The following KATNBL1 variants were observed in gnomAD, a reference collection of about 807,000 sequenced individuals.
KATNBL1 encodes KATNB1-like protein 1.
A neutral mutation model predicts 44.7 loss-of-function variants in KATNBL1; 28 were observed. That is an observed-to-expected ratio of 0.63 (90% CI 0.46 to 0.86). KATNBL1 has a LOEUF of 0.86. KATNBL1 is among the 40% of genes least tolerant of loss of function. KATNBL1 has a pLI of 0.00. For missense variants in KATNBL1, 272 were observed against 350.7 expected (o/e 0.78, Z 1.79); for synonymous variants, 78 against 114.9 (o/e 0.68, Z 2.06).
chr15:34,153,875 T>C (rs760287898), intron 3 of KATNBL1, among the ~76,000 whole-genome samples: 21 of 152,248 alleles, frequency 1.4e-4, no homozygotes, highest in Admixed American at 5.9e-4. Flanking sequence ...ATAATTTTTA[T>C]GTGAATAGTA....
intron 1 of KATNBL1, among the ~76,000 whole-genome samples, chr15:34,208,272 C>A (rs1183824606): frequency 6.6e-6 from 1 of 152,120 alleles, no homozygotes; most frequent in African/African-American, 2.4e-5. Context: ...TACCAAGTCC[C>A]CAAAGTCCAT....
intron 1 of KATNBL1, among the ~76,000 whole-genome samples, chr15:34,197,898 C>T (rs1258566854): frequency 6.6e-6 from 1 of 152,142 alleles, no homozygotes; most frequent in Non-Finnish European, 1.5e-5. Context: ...CAGGCACACG[C>T]CACCACACCC....
chr15:34,145,301 C>T, intron 9 of KATNBL1, 97 bp downstream of exon 9: 1 of 1,344,586 alleles, frequency 7.4e-7, no homozygotes, highest in East Asian at 3.3e-5. Flanking sequence ...AGAACAGTAC[C>T]ATATTATTTT....
chr15:34,150,553 CACTG>C (rs1888437398), intron 4 of KATNBL1, among the ~76,000 whole-genome samples: 1 of 152,184 alleles, frequency 6.6e-6, no homozygotes, highest in African/African-American at 2.4e-5. Flanking sequence ...AAGATTGCAC[CACTG>C]CACCCCAGCC....
At chr15:34,201,525 G>C (rs556609024) in intron 1 of KATNBL1, among the ~76,000 whole-genome samples, 2 of 152,256 alleles carry the variant, frequency 1.3e-5, no homozygotes, top group African/African-American at 4.8e-5. Flanking sequence ...TAATGTATTA[G>C]AGTATTATAT....
intron 1 of KATNBL1, among the ~76,000 whole-genome samples, chr15:34,178,275 A>C (rs529451799): frequency 1.4e-4 from 21 of 152,178 alleles, no homozygotes; most frequent in Non-Finnish European, 2.8e-4. Flanking sequence ...TGAGGAGATA[A>C]CAACAGGTGG....
chr15:34,147,602 C>T (rs1358511377), intron 5 of KATNBL1, among the ~76,000 whole-genome samples, 172 bp from the exon 6 acceptor site: 1 of 145,168 alleles, frequency 6.9e-6, no homozygotes, highest in Non-Finnish European at 1.5e-5. Flanking sequence ...GCTTGTATTC[C>T]AGTGTGTGAG....
At chr15:34,200,260 CT>C (rs964530272) in intron 1 of KATNBL1, among the ~76,000 whole-genome samples, 6 of 148,212 alleles carry the variant, frequency 4.0e-5, no homozygotes, top group Non-Finnish European at 3.0e-5. Context: ...TCTCTCTCTT[CT>C]TTTTTTTTTG....
In KATNBL1 at chr15:34,163,686, A is replaced by G; in HGVS notation, c.-10T>C. The G allele has an allele frequency of 6.6e-7, 1 of 1,508,016 alleles. No homozygotes were observed. The highest frequency in any genetic ancestry group is 9.0e-7 in the Non-Finnish European group (1 of 1,109,036). The allele number at this position is 1,508,016 out of a possible 1,614,324, so 93.4% of individuals were successfully genotyped here. ...GGGTTTCTGATGCCATAATCTCTTAAGTACCTAGACAATAAAATAAAATAG... is the reference window on the plus strand; with the variant it reads ...GGGTTTCTGATGCCATAATCTCTTAGGTACCTAGACAATAAAATAAAATAG... On this transcript the variant is annotated 5_prime_UTR_variant, in exon 2 of 10. Coordinates refer to ENST00000256544, the MANE Select transcript of KATNBL1 (RefSeq NM_024713.3).
At chr15:34,154,928 A>G in intron 2 of KATNBL1, 1 of 484,646 alleles carries the variant, frequency 2.1e-6, no homozygotes, top group Non-Finnish European at 3.7e-6. Context: ...CGCACAGTCT[A>G]AACTAATTCT....
Position 34,147,188 on chromosome 15 carries a change from A to G in KATNBL1, c.698+12T>C, listed in dbSNP as rs750981421. On this transcript the variant is annotated intron_variant, in intron 7 of 9. Coordinates refer to ENST00000256544, the MANE Select transcript of KATNBL1 (RefSeq NM_024713.3). ...AAAAGAAAAATGAATCAAGATTCAG[A>G]TTAGCACTTACTCTTCAAATTTGCT... is the stretch of plus-strand genomic sequence containing the variant. 1.3e-6 allele frequency: 2 copies of G among 1,506,168 alleles called. No individual in the cohort carries two copies. The highest frequency in any genetic ancestry group is 4.5e-5 in the East Asian group (2 of 44,306). 93.3% of individuals were successfully genotyped at this position (1,506,168 alleles called of 1,614,324 possible).
chr15:34,196,276 C>T (rs937760836), intron 1 of KATNBL1, among the ~76,000 whole-genome samples: 13 of 151,638 alleles, frequency 8.6e-5, no homozygotes, highest in Admixed American at 2.0e-4. Context: ...AAATTAGCCA[C>T]GCATGGTGGC....
At chr15:34,197,146 T>C (rs907641920) in intron 1 of KATNBL1, among the ~76,000 whole-genome samples, 14 of 152,252 alleles carry the variant, frequency 9.2e-5, no homozygotes, top group Non-Finnish European at 1.6e-4. Flanking sequence ...AGATTCTGTC[T>C]TGTCAACGTT....
At chr15:34,188,234 C>G (rs1289282869) in intron 1 of KATNBL1, among the ~76,000 whole-genome samples, 1 of 145,462 alleles carries the variant, frequency 6.9e-6, no homozygotes, top group African/African-American at 2.5e-5. Context: ...AAATTCTGTA[C>G]ACTCTACTCA....
At chr15:34,156,320 C>A (rs927919935) in intron 2 of KATNBL1, among the ~76,000 whole-genome samples, 1 of 152,162 alleles carries the variant, frequency 6.6e-6, no homozygotes, top group Non-Finnish European at 1.5e-5. Flanking sequence ...AAGAGCTTGG[C>A]ACGACTTGTT....
intron 1 of KATNBL1, among the ~76,000 whole-genome samples, chr15:34,184,055 G>A (rs926325424): frequency 6.6e-6 from 1 of 152,168 alleles, no homozygotes; most frequent in African/African-American, 2.4e-5. Flanking sequence ...TGTAATCCCA[G>A]CACTTTGGGA....
intron 1 of KATNBL1, chr15:34,198,349 C>A (rs759306748): frequency 2.6e-5 from 4 of 152,150 alleles, no homozygotes; most frequent in Non-Finnish European, 5.9e-5. Context: ...GAGAAATAGA[C>A]AAACAAGCAA....
At chr15:34,178,043 G>A (rs535557543) in intron 1 of KATNBL1, 55 of 152,238 alleles carry the variant, frequency 3.6e-4, no homozygotes, top group African/African-American at 1.2e-3. Context: ...GTTTTAGAAC[G>A]TAAAAGCTTT....
At chr15:34,197,176 C>A (rs973248135) in intron 1 of KATNBL1, among the ~76,000 whole-genome samples, 1 of 152,190 alleles carries the variant, frequency 6.6e-6, no homozygotes, top group African/African-American at 2.4e-5. Flanking sequence ...GAAAATCTGA[C>A]AAACGATGAA....
Sources: allele counts gnomAD v4.1 joint callset (sites outside exome capture counted in the v4.1 genomes callset), GRCh38; gene constraint gnomAD v4.1.1; transcripts MANE v1.5; gene names NCBI Gene and HGNC (gene_info 2026-07-23, HGNC 2026-07-21).